ARHGAP18: variants seen among roughly 807,000 people sequenced by gnomAD.
ARHGAP18 encodes rho GTPase-activating protein 18.
In ARHGAP18, 67 loss-of-function variants were observed where a neutral mutation model predicts 86.2. The ratio of observed to expected loss-of-function variants is 0.78; its 90% CI spans 0.64 to 0.95. The LOEUF (loss-of-function observed/expected upper bound fraction) is 0.95. Ranked by LOEUF, ARHGAP18 falls within the 40% of genes least tolerant of loss-of-function variation. The pLI is 0.00. For missense variants in ARHGAP18, 691 were observed against 780.4 expected (o/e 0.89, Z 1.37); for synonymous variants, 283 against 280.4 (o/e 1.01, Z -0.09).
chr6:129,602,494 G>A (rs538691102), intron 10 of ARHGAP18, among the ~76,000 whole-genome samples: 24 of 143,862 alleles, frequency 1.7e-4, no homozygotes, highest in South Asian at 1.1e-3. Context: ...AAGAATTTCT[G>A]GAAAAAAAAA....
chr6:129,665,504 C>T (rs1024099991), intron 1 of ARHGAP18, among the ~76,000 whole-genome samples: 5 of 152,076 alleles, frequency 3.3e-5, no homozygotes, highest in Admixed American at 6.6e-5. Context: ...GAGCCAAGAT[C>T]GTGCCACTGC....
chr6:129,674,121 T>C (rs1003283511), intron 1 of ARHGAP18, among the ~76,000 whole-genome samples: 1 of 152,218 alleles, frequency 6.6e-6, no homozygotes, highest in Non-Finnish European at 1.5e-5. Flanking sequence ...TTTATCTACA[T>C]GAAAAGTATT....
rs1278346998 is a variant in ARHGAP18 at position 129,625,114 on chromosome 6, TATAG to T, written c.786+4235_786+4238del. On this transcript the variant is annotated intron_variant, in intron 5 of 14. Coordinates refer to ENST00000368149, the MANE Select transcript of ARHGAP18 (RefSeq NM_033515.3). ...GATATATGATATATATTATATATTA[TATAG>T]ATATATATTATATATGATATATATT... Among the ~76,000 whole-genome samples, 59 of 45,030 alleles carry T rather than the reference TATAG, an allele frequency of 1.3e-3. 7 individuals carry two copies. Among genetic ancestry groups the T allele is most frequent in the South Asian group, 3.4e-3 (5 of 1,452 alleles). The allele number at this position is 45,030 out of a possible 152,430, so 29.5% of individuals were successfully genotyped here. A position where few individuals can be genotyped will look rare whatever the true frequency, so the allele number is the denominator to read the frequency against.
chr6:129,580,608 T>C (rs1788267978), intron 13 of ARHGAP18, among the ~76,000 whole-genome samples: 1 of 152,202 alleles, frequency 6.6e-6, no homozygotes, highest in African/African-American at 2.4e-5. Context: ...TGCTTCTGAC[T>C]GGGTGTGAAG....
At chr6:129,654,389 C>A (rs1773784812) in intron 1 of ARHGAP18, among the ~76,000 whole-genome samples, 1 of 152,120 alleles carries the variant, frequency 6.6e-6, no homozygotes, top group Admixed American at 6.5e-5. Context: ...AGTTTATGAC[C>A]CTGTCCTAGC....
intron 1 of ARHGAP18, among the ~76,000 whole-genome samples, chr6:129,692,447 C>T (rs182331006): frequency 6.6e-6 from 1 of 152,210 alleles, no homozygotes; most frequent in East Asian, 1.9e-4. Context: ...AAACCATTTG[C>T]CTGGGTACGG....
intron 1 of ARHGAP18, among the ~76,000 whole-genome samples, chr6:129,645,206 C>A (rs564505242): frequency 2.1e-4 from 32 of 152,260 alleles, no homozygotes; most frequent in African/African-American, 7.2e-4. Context: ...TGTTGTGTTA[C>A]TTCTTTTCTT....
At chr6:129,642,738 ACAG>A (rs1773495438) in intron 1 of ARHGAP18, among the ~76,000 whole-genome samples, 1 of 152,220 alleles carries the variant, frequency 6.6e-6, no homozygotes, top group Non-Finnish European at 1.5e-5. Flanking sequence ...CAACTCTTAT[ACAG>A]CAAATATCTT....
intron 1 of ARHGAP18, among the ~76,000 whole-genome samples, chr6:129,653,087 C>G (rs1466938192): frequency 1.3e-5 from 2 of 152,140 alleles, no homozygotes; most frequent in Non-Finnish European, 2.9e-5. Flanking sequence ...TTAAACTCTT[C>G]TCAGTTCTTT....
intron 6 of ARHGAP18, 52 bp downstream of exon 6, chr6:129,618,635 C>A (rs889913523): frequency 6.6e-7 from 1 of 1,511,510 alleles, no homozygotes; most frequent in South Asian, 1.3e-5. Flanking sequence ...AAAGCCAAGT[C>A]CATCCTTGCT....
chr6:129,650,809 C>T (rs1021801151), intron 1 of ARHGAP18, among the ~76,000 whole-genome samples: 7 of 152,162 alleles, frequency 4.6e-5, no homozygotes, highest in Non-Finnish European at 1.0e-4. Flanking sequence ...CCAGTAGCTA[C>T]CTTGCACTTG....
chr6:129,651,059 G>T (rs771748345), intron 1 of ARHGAP18, among the ~76,000 whole-genome samples: 1 of 151,870 alleles, frequency 6.6e-6, no homozygotes, highest in African/African-American at 2.4e-5. Flanking sequence ...CCCTGGCTTC[G>T]AGCAAACTGC....
At chr6:129,596,702 T>A (rs953539904) in intron 12 of ARHGAP18, 1 of 152,176 alleles carries the variant, frequency 6.6e-6, no homozygotes. Context: ...TCATGCCCTA[T>A]AGTTTCATAT....
chr6:129,666,079 A>C (rs932497527), intron 1 of ARHGAP18, among the ~76,000 whole-genome samples: 3 of 152,236 alleles, frequency 2.0e-5, no homozygotes, highest in African/African-American at 7.2e-5. Flanking sequence ...AGAGAATTTT[A>C]TTAAAAGCTT....
At chr6:129,676,392 G>A (rs181735502) in intron 1 of ARHGAP18, among the ~76,000 whole-genome samples, 23 of 152,222 alleles carry the variant, frequency 1.5e-4, no homozygotes. Flanking sequence ...GTCTATTCAA[G>A]GGGGTTTAAG....
intron 1 of ARHGAP18, among the ~76,000 whole-genome samples, chr6:129,709,058 G>C (rs998991423): frequency 1.3e-5 from 2 of 152,152 alleles, no homozygotes; most frequent in Non-Finnish European, 2.9e-5. Flanking sequence ...ACAAATGAAA[G>C]GCAGCATTAT....
At chr6:129,614,630 A>G (rs1789054781) in intron 7 of ARHGAP18, among the ~76,000 whole-genome samples, 1 of 152,174 alleles carries the variant, frequency 6.6e-6, no homozygotes, top group Admixed American at 6.5e-5. Flanking sequence ...CTGAACCTCC[A>G]CAGAAACTGA....
At chr6:129,675,608 C>T (rs1194589475) in intron 1 of ARHGAP18, among the ~76,000 whole-genome samples, 1 of 152,200 alleles carries the variant, frequency 6.6e-6, no homozygotes, top group Non-Finnish European at 1.5e-5. Context: ...TGGAACATCT[C>T]TTGCAGCACA....
At chr6:129,635,080 A>C (rs1773305423) in intron 3 of ARHGAP18, among the ~76,000 whole-genome samples, 1 of 152,214 alleles carries the variant, frequency 6.6e-6, no homozygotes, top group African/African-American at 2.4e-5. Context: ...ATGTGGCCAG[A>C]GAGTACTTCC....
Sources: allele counts gnomAD v4.1 joint callset (sites outside exome capture counted in the v4.1 genomes callset), GRCh38; gene constraint gnomAD v4.1.1; transcripts MANE v1.5; gene names NCBI Gene and HGNC (gene_info 2026-07-23, HGNC 2026-07-21).